Variants in SPATS2L observed in about 807,000 individuals in gnomAD.
The protein encoded by SPATS2L is SPATS2-like protein.
In SPATS2L, 30 loss-of-function variants were observed where a neutral mutation model predicts 59.6. The ratio of observed to expected loss-of-function variants is 0.50; its 90% confidence interval spans 0.38 to 0.68. The LOEUF is 0.68. SPATS2L is among the 30% of genes least tolerant of loss of function. The probability of loss-of-function intolerance (pLI) is 0.00; values close to 1 mark genes in which losing one functional copy is unlikely to be tolerated. For synonymous variants in SPATS2L, 252 were observed against 263.5 expected (o/e 0.96, Z 0.42); for missense variants, 615 against 700.0 (o/e 0.88, Z 1.37).
intron 2 of SPATS2L, among the ~76,000 whole-genome samples, chr2:200,330,815 A>T (rs994659138): frequency 9.2e-5 from 14 of 152,206 alleles, no homozygotes; most frequent in African/African-American, 3.4e-4. Flanking sequence ...GTCACTAATC[A>T]TATTAGAGGT....
intron 2 of SPATS2L, among the ~76,000 whole-genome samples, chr2:200,332,135 A>T (rs1182672435): frequency 1.4e-5 from 2 of 139,798 alleles, no homozygotes; most frequent in Admixed American, 1.5e-4. Flanking sequence ...TTATTACAAT[A>T]TGTAAAATGT....
At chr2:200,400,218 T>C (rs982392980) in intron 3 of SPATS2L, among the ~76,000 whole-genome samples, 2 of 152,216 alleles carry the variant, frequency 1.3e-5, no homozygotes, top group African/African-American at 4.8e-5. Flanking sequence ...TCAGTGATAG[T>C]GGCTAGACAG....
chr2:200,336,768 T>C (rs1196109715), intron 2 of SPATS2L, among the ~76,000 whole-genome samples: 4 of 152,218 alleles, frequency 2.6e-5, no homozygotes, highest in Admixed American at 2.6e-4. Context: ...CCCAAAACAA[T>C]TCAAACGATT....
At chr2:200,436,255 G>C (rs905748832) in intron 6 of SPATS2L, among the ~76,000 whole-genome samples, 7 of 152,106 alleles carry the variant, frequency 4.6e-5, no homozygotes, top group African/African-American at 1.7e-4. Context: ...CGCTCCACCA[G>C]TTTTCATCTG....
At chr2:200,347,983 G>A (rs2080575882) in intron 2 of SPATS2L, among the ~76,000 whole-genome samples, 3 of 152,186 alleles carry the variant, frequency 2.0e-5, no homozygotes, top group Admixed American at 1.3e-4. Flanking sequence ...CCTGCTAAAA[G>A]GGTGGAATCA....
intron 2 of SPATS2L, among the ~76,000 whole-genome samples, chr2:200,382,818 C>A (rs184520533): frequency 5.9e-5 from 9 of 152,076 alleles, no homozygotes; most frequent in Non-Finnish European, 1.2e-4. Flanking sequence ...GTGTCTGGTA[C>A]GTTATAAGTT....
At chr2:200,318,508 T>C (rs2079453381) in intron 1 of SPATS2L, among the ~76,000 whole-genome samples, 1 of 152,192 alleles carries the variant, frequency 6.6e-6, no homozygotes, top group Admixed American at 6.5e-5. Context: ...TATGAACTCA[T>C]TCATTGTTCT....
intron 6 of SPATS2L, among the ~76,000 whole-genome samples, chr2:200,428,409 C>T (rs1262320543): frequency 6.6e-6 from 1 of 152,178 alleles, no homozygotes; most frequent in Non-Finnish European, 1.5e-5. Flanking sequence ...TTGTGTCCCT[C>T]TGTCTTTACT....
intron 8 of SPATS2L, among the ~76,000 whole-genome samples, chr2:200,455,603 G>A (rs148454398): frequency 6.6e-6 from 1 of 152,308 alleles, no homozygotes; most frequent in African/African-American, 2.4e-5. Context: ...GAAAGCAAGT[G>A]TGTGACCTTG....
chr2:200,432,501 C>A (rs1342066457), intron 6 of SPATS2L, among the ~76,000 whole-genome samples: 3 of 152,204 alleles, frequency 2.0e-5, no homozygotes, highest in Admixed American at 6.6e-5. Flanking sequence ...TCTGCAAGTA[C>A]ATTAGTCACC....
chr2:200,475,297 C>T (rs2087428495), intron 12 of SPATS2L, among the ~76,000 whole-genome samples: 3 of 152,174 alleles, frequency 2.0e-5, no homozygotes, highest in Non-Finnish European at 4.4e-5. Context: ...GACGTGCACC[C>T]GTGACACAGC....
At chr2:200,405,533 T>C (rs7605374) in intron 3 of SPATS2L, among the ~76,000 whole-genome samples, 78,639 of 152,006 alleles carry the variant, frequency 0.52, 20,944 homozygotes, top group Non-Finnish European at 0.59. Flanking sequence ...ATCCATGATG[T>C]GAAGGTACTG....
In SPATS2L at chr2:200,479,549, A is replaced by T; in HGVS notation, c.*1518A>T. ...TTCCTGAGCTAGATGGAGAAGGGGT[A>T]CTTCTCAGAAAGGGAAAATGGATAC... On this transcript the variant is annotated 3_prime_UTR_variant, in exon 13 of 13. Transcript: ENST00000409140. The T allele has an allele frequency of 2.5e-6, 1 of 398,630 alleles. No individual in the cohort carries two copies. The allele number at this position is 398,630 out of a possible 1,614,324, so 24.7% of individuals were successfully genotyped here. A position where few individuals can be genotyped will look rare whatever the true frequency, so the allele number is the denominator to read the frequency against.
At position 200,419,293 on chromosome 2, in the gene SPATS2L, A is replaced by G; in HGVS notation, c.242A>G (p.Asn81Ser). 1 of 1,598,228 alleles carries G rather than the reference A, an allele frequency of 6.3e-7. No homozygotes were observed. Among genetic ancestry groups the G allele is most frequent in the Non-Finnish European group, 8.5e-7 (1 of 1,171,842 alleles). ...AGCAAGTCCAAGCAGCATCAAGGCAACAAAGATGCTAAAGACAAGGTGGAG... is the reference window on the plus strand; with the variant it reads ...AGCAAGTCCAAGCAGCATCAAGGCAGCAAAGATGCTAAAGACAAGGTGGAG... ...KRSKSKQHQG[N>S]KDAKDKVERP... is the part of the protein sequence containing the mutation. The change falls in exon 6 of 13, where the codon AAC becomes AGC. Residue 81 changes from asparagine to serine, a missense_variant. Physicochemically the swap from Asn to Ser is conservative, Grantham distance 46 (BLOSUM62 1). This residue lies in a region of SPATS2L where 227 missense variants were observed against 257.4 expected (regional missense o/e 0.88). Coordinates refer to ENST00000409140, the MANE Select transcript of SPATS2L (RefSeq NM_001100423.2).
intron 1 of SPATS2L, among the ~76,000 whole-genome samples, chr2:200,307,634 T>TGCGCTC (rs1308889039): frequency 6.6e-6 from 1 of 152,198 alleles, no homozygotes; most frequent in Admixed American, 6.5e-5. Context: ...TGTCGTAGGA[T>TGCGCTC]GCGCTCGCGC....
chr2:200,469,519 G>A (rs192593380), intron 10 of SPATS2L, among the ~76,000 whole-genome samples: 1 of 152,110 alleles, frequency 6.6e-6, no homozygotes, highest in African/African-American at 2.4e-5. Flanking sequence ...AATAGGAATG[G>A]GGGTCTAGGA....
At chr2:200,451,399 C>G (rs1400328803) in intron 8 of SPATS2L, among the ~76,000 whole-genome samples, 1 of 152,150 alleles carries the variant, frequency 6.6e-6, no homozygotes, top group African/African-American at 2.4e-5. Context: ...ACATCCCTCT[C>G]AAATCAGAAA....
At chr2:200,360,833 G>A (rs2081074033) in intron 2 of SPATS2L, among the ~76,000 whole-genome samples, 1 of 152,148 alleles carries the variant, frequency 6.6e-6, no homozygotes, top group Non-Finnish European at 1.5e-5. Context: ...GAGGGGATGA[G>A]TAGAATTGTG....
chr2:200,473,069 G>T lies in SPATS2L; in HGVS notation c.1281+17G>T. 1 of 1,590,804 alleles carries T rather than the reference G, an allele frequency of 6.3e-7. No homozygotes were observed. Among genetic ancestry groups the T allele is most frequent in the Non-Finnish European group, 8.6e-7 (1 of 1,166,374 alleles). On this transcript the variant is annotated intron_variant, in intron 12 of 12. Coordinates refer to ENST00000409140, the MANE Select transcript of SPATS2L (RefSeq NM_001100423.2). ...AACAAGCAGGTAAGCCGACACTGGT[G>T]CAGGGTGCCAGAGGAAAAAAAAAAA... is the stretch of plus-strand genomic sequence containing the variant.
Sources: gnomAD v4.1 joint callset for allele counts (sites outside exome capture counted in the v4.1 genomes callset) on GRCh38, gnomAD v4.1.1 for gene constraint, gnomAD v4.1.1 regional missense constraint, MANE v1.5 for transcripts, NCBI Gene and HGNC (gene_info 2026-07-23, HGNC 2026-07-21) for gene names.